SCD5: variants seen among roughly 807,000 people sequenced by gnomAD.
SCD5 encodes acyl-CoA-desaturase 4.
In SCD5, 20 loss-of-function variants were observed where a neutral mutation model predicts 30.4. The observed-to-expected ratio is 0.66, with a 90% confidence interval of 0.46 to 0.96. The LOEUF is 0.96. Ranked by LOEUF, SCD5 falls within the 40% of genes least tolerant of loss-of-function variation. The probability of loss-of-function intolerance (pLI) is 0.00; values close to 1 mark genes in which losing one functional copy is unlikely to be tolerated. For missense variants in SCD5, 381 were observed against 443.3 expected, an observed-to-expected ratio of 0.86 and a Z score of 1.26; for synonymous variants, 173 against 176.4, an observed-to-expected ratio of 0.98 and a Z score of 0.16.
rs1409252100 is a variant in SCD5, at chr4:82,653,702, A to ATAGATAGATAGATAGATAGG, written c.570-16880_570-16879insCCTATCTATCTATCTATCTA. ...GATAGATAGATAGATAGATAGATAGATAGATATAGATAGATAGATAGATAT... is the reference window on the plus strand; with the variant it reads ...GATAGATAGATAGATAGATAGATAGATAGATAGATAGATAGATAGGTAGATATAGATAGATAGATAGATAT... On this transcript the variant is annotated intron_variant, in intron 3 of 4. Transcript: ENST00000319540. Among the ~76,000 whole-genome samples, 1,188 of 122,516 alleles carry ATAGATAGATAGATAGATAGG rather than the reference A, an allele frequency of 9.7e-3. 18 individuals are homozygous for ATAGATAGATAGATAGATAGG. Among genetic ancestry groups the ATAGATAGATAGATAGATAGG allele is most frequent in the African/African-American group, 0.034 (1,138 of 33,212 alleles). The allele number at this position is 122,516 out of a possible 152,430, so 80.4% of individuals were successfully genotyped here.
chr4:82,680,057 C>T (rs896964522), intron 3 of SCD5, among the ~76,000 whole-genome samples: 1 of 152,316 alleles, frequency 6.6e-6, no homozygotes, highest in African/African-American at 2.4e-5. Context: ...GAACAAAGGT[C>T]GCTCTCTACT....
chr4:82,662,066 T>C (rs1728022785), intron 3 of SCD5, among the ~76,000 whole-genome samples: 1 of 152,186 alleles, frequency 6.6e-6, no homozygotes, highest in African/African-American at 2.4e-5. Context: ...TATTTATTTA[T>C]TTATGAGACA....
intron 1 of SCD5, among the ~76,000 whole-genome samples, chr4:82,749,358 G>A (rs1721055414): frequency 6.6e-6 from 1 of 152,176 alleles, no homozygotes; most frequent in Non-Finnish European, 1.5e-5. Context: ...TAGGGAAAAA[G>A]CACCCCTTCC....
Position 82,630,175 on chromosome 4 carries a change from T to A in SCD5, c.*1152A>T, listed in dbSNP as rs554302064. 1 of 152,322 alleles carries A rather than the reference T, an allele frequency of 6.6e-6. No homozygotes were observed. Among genetic ancestry groups the A allele is most frequent in the South Asian group, 2.1e-4 (1 of 4,824 alleles). 9.4% of individuals were successfully genotyped at this position (152,322 alleles called of 1,614,324 possible). ...AAATCAAACATCTAAACAGGCATGA[T>A]TTATAAGGTGGGCTGGCCATAGGGC... is the stretch of plus-strand genomic sequence containing the variant. On this transcript the variant is annotated 3_prime_UTR_variant, in exon 5 of 5. Transcript: ENST00000319540.
At chr4:82,705,532 AC>A (rs1719951802) in intron 1 of SCD5, 119 bp from the exon 2 acceptor site, 13 of 1,335,090 alleles carry the variant, frequency 9.7e-6, no homozygotes, top group Non-Finnish European at 1.3e-5. Flanking sequence ...GAAAGCTGCA[AC>A]ATGAAGAATC....
chr4:82,700,955 A>G (rs577683848), intron 2 of SCD5, among the ~76,000 whole-genome samples: 8 of 152,334 alleles, frequency 5.3e-5, no homozygotes, highest in Non-Finnish European at 1.0e-4. Context: ...AAGTGAAGGT[A>G]AAATAGAAAC....
chr4:82,633,339 T>C (rs1228691058), intron 4 of SCD5, among the ~76,000 whole-genome samples: 1 of 152,248 alleles, frequency 6.6e-6, no homozygotes, highest in Non-Finnish European at 1.5e-5. Flanking sequence ...CTGAATAGTA[T>C]TCCATGATGC....
intron 3 of SCD5, among the ~76,000 whole-genome samples, chr4:82,646,047 C>T (rs1395555594): frequency 3.3e-5 from 5 of 152,036 alleles, no homozygotes; most frequent in Admixed American, 1.3e-4. Context: ...AATGACCTGC[C>T]GACTTCCAAG....
intron 1 of SCD5, among the ~76,000 whole-genome samples, chr4:82,758,220 T>C (rs2148845018): frequency 6.6e-6 from 1 of 152,218 alleles, no homozygotes; most frequent in East Asian, 1.9e-4. Flanking sequence ...CCCAACACTT[T>C]GGGAGGCCAA....
intron 3 of SCD5, among the ~76,000 whole-genome samples, chr4:82,679,062 G>C (rs1277597188): frequency 6.6e-6 from 1 of 151,464 alleles, no homozygotes; most frequent in Admixed American, 6.6e-5. Context: ...AGCCGGGCGT[G>C]GTGGTGCATG....
intron 3 of SCD5, among the ~76,000 whole-genome samples, chr4:82,665,529 A>G (rs1728167427): frequency 6.6e-6 from 1 of 152,154 alleles, no homozygotes; most frequent in South Asian, 2.1e-4. Context: ...GTAAGGCATA[A>G]GACAAGGTAC....
chr4:82,734,057 G>C (rs766046910), intron 1 of SCD5, among the ~76,000 whole-genome samples: 4 of 152,158 alleles, frequency 2.6e-5, no homozygotes, highest in African/African-American at 4.8e-5. Context: ...GGAAATGTGA[G>C]ACTATATTTT....
At chr4:82,755,585 C>T (rs892787168) in intron 1 of SCD5, among the ~76,000 whole-genome samples, 9 of 152,142 alleles carry the variant, frequency 5.9e-5, no homozygotes, top group Non-Finnish European at 1.3e-4. Context: ...TGGAACCTGT[C>T]CAACACTTCA....
chr4:82,714,611 A>G (rs539378414), intron 1 of SCD5, among the ~76,000 whole-genome samples: 14 of 152,100 alleles, frequency 9.2e-5, no homozygotes, highest in Non-Finnish European at 1.9e-4. Flanking sequence ...CTGTGGGGGT[A>G]AAATGAAGGG....
chr4:82,730,880 A>C (rs1260376704), intron 1 of SCD5, among the ~76,000 whole-genome samples: 1 of 152,064 alleles, frequency 6.6e-6, no homozygotes, highest in African/African-American at 2.4e-5. Flanking sequence ...CACAGCGCCC[A>C]GCTGTATTTT....
At chr4:82,710,556 C>T (rs1245301099) in intron 1 of SCD5, among the ~76,000 whole-genome samples, 1 of 152,138 alleles carries the variant, frequency 6.6e-6, no homozygotes, top group Non-Finnish European at 1.5e-5. Context: ...TGTTTTTCCC[C>T]AGAGAACTGA....
intron 1 of SCD5, among the ~76,000 whole-genome samples, chr4:82,709,104 C>T (rs1166221688): frequency 6.6e-6 from 1 of 152,116 alleles, no homozygotes; most frequent in Non-Finnish European, 1.5e-5. Flanking sequence ...ATCTAAATGC[C>T]CCTGCTGATT....
rs1478633987 is a variant in SCD5 at position 82,681,382 on chromosome 4, T to C, written c.364-470A>G. Among the ~76,000 whole-genome samples the C allele has an allele frequency of 2.0e-5, 3 of 152,210 alleles. No individual in the cohort carries two copies. In the South Asian group the frequency reaches 6.2e-4, roughly 32 times the overall value. ...ATTGTGAATAGTGCTGCAGTGAACA[T>C]ACATGTGCCTGTGTTTTTATAATAG... On this transcript the variant is annotated intron_variant, in intron 2 of 4. Transcript: ENST00000319540.
At chr4:82,708,855 G>A (rs1036928374) in intron 1 of SCD5, among the ~76,000 whole-genome samples, 4 of 152,156 alleles carry the variant, frequency 2.6e-5, no homozygotes, top group East Asian at 1.9e-4. Flanking sequence ...GCACTTGGCC[G>A]AGCTCTCTAA....
Sources: allele counts gnomAD v4.1 joint callset (sites outside exome capture counted in the v4.1 genomes callset), GRCh38; gene constraint gnomAD v4.1.1; transcripts MANE v1.5; gene names NCBI Gene and HGNC (gene_info 2026-07-23, HGNC 2026-07-21).